Variants in IGF2R observed in about 807,000 individuals in gnomAD.
The protein encoded by IGF2R is insulin like growth factor 2 receptor, also known as cation-independent mannose-6-phosphate receptor.
A neutral mutation model predicts 270.6 loss-of-function variants in IGF2R; 91 were observed. That is an observed-to-expected ratio of 0.34 (90% CI 0.28 to 0.40). The LOEUF is 0.40. IGF2R is among the 10% of genes least tolerant of loss of function. The probability of loss-of-function intolerance (pLI) is 1.00; values close to 1 mark genes in which losing one functional copy is unlikely to be tolerated. For synonymous variants in IGF2R, 1,316 were observed against 1,258.9 expected (o/e 1.05, Z -0.96); for missense variants, 2,805 against 3,188.3 (o/e 0.88, Z 2.90).
rs955038999 is a variant in IGF2R, at chr6:160,084,329, C to A, written c.6068+145C>A. 3.2e-6 allele frequency: 2 copies of A among 623,294 alleles called. No individual in the cohort carries two copies. The highest frequency in any genetic ancestry group is 1.8e-5 in the African/African-American group (1 of 54,474). 38.6% of individuals were successfully genotyped at this position (623,294 alleles called of 1,614,324 possible). ...GATGGTGGTTGAGTTGTGACTGTTC[C>A]TGGAAGCAGCCCGCAGTGTCAATCC... On this transcript the variant is annotated intron_variant, in intron 40 of 47. Transcript: ENST00000356956. The surrounding 1 kb of genome is among the most constrained non-coding windows in gnomAD (Gnocchi z 4.6).
At chr6:160,095,736 T>C (rs1028261693) in intron 44 of IGF2R, 7 of 152,440 alleles carry the variant, frequency 4.6e-5, no homozygotes, top group Non-Finnish European at 8.8e-5. Context: ...ATCAGGCTGT[T>C]GCCATCCTAA....
At chr6:160,018,562 A>G (rs969244201) in intron 4 of IGF2R, among the ~76,000 whole-genome samples, 3 of 152,312 alleles carry the variant, frequency 2.0e-5, no homozygotes, top group Middle Eastern at 6.8e-3. Flanking sequence ...GATGGACTAT[A>G]TGTCATACCA....
intron 31 of IGF2R, among the ~76,000 whole-genome samples, chr6:160,071,198 T>G (rs1778721442): frequency 7.2e-6 from 1 of 139,790 alleles, no homozygotes. Context: ...GGAGGCCCTG[T>G]GCCCCAGACC....
In IGF2R at chr6:160,064,497, C is replaced by T. The variant is rs369916399; in HGVS notation, c.3983C>T (p.Ala1328Val). The T allele has an allele frequency of 1.2e-5, 19 of 1,614,184 alleles. No homozygotes were observed. The African/African-American group carries it at 2.4e-4, about 20-fold the overall frequency. ...CATAAGGTTTATCAGCGCTCCACAG[C>T]CATCTTCTTCTACTGTGACCGCGGC... ...TCHKVYQRST[A>V]IFFYCDRGTQ... The change falls in exon 28 of 48, where the codon GCC (alanine) becomes GTC (valine). Residue 1328 changes from alanine (A) to valine (V), a missense_variant. Transcript: ENST00000356956.
chr6:160,008,995 T>G lies in IGF2R; in HGVS notation c.290-15T>G, dbSNP rs1479947243. 2 of 1,613,410 alleles carry G rather than the reference T, an allele frequency of 1.2e-6. No homozygotes were observed. The highest frequency in any genetic ancestry group is 1.7e-6 in the Non-Finnish European group (2 of 1,179,652). On this transcript the variant is annotated splice_polypyrimidine_tract_variant and intron_variant, in intron 2 of 47. Transcript: ENST00000356956. ...ATGTTTTATAGCCTGTTCACTCTCT[T>G]TTCTCTCCAAATAGGTGACTCTGTT...
In IGF2R at chr6:160,024,721, G is replaced by A; in HGVS notation, c.646+17G>A. 1 of 1,612,664 alleles carries A rather than the reference G, an allele frequency of 6.2e-7. No homozygotes were observed. Among genetic ancestry groups the A allele is most frequent in the African/African-American group, 1.3e-5 (1 of 74,982 alleles). ...GAGACATAGGTATGAATCTTTGTGG[G>A]GCTGAGGGGGTGGTGGTGAGGGATT... On this transcript the variant is annotated intron_variant, in intron 5 of 47. Coordinates refer to ENST00000356956, the MANE Select transcript of IGF2R (RefSeq NM_000876.4).
intron 44 of IGF2R, among the ~76,000 whole-genome samples, chr6:160,091,380 C>T (rs963117138): frequency 2.0e-5 from 3 of 148,862 alleles, no homozygotes; most frequent in East Asian, 2.0e-4. Context: ...CTGAGCGCAT[C>T]GCCGAGAAGG....
intron 2 of IGF2R, among the ~76,000 whole-genome samples, chr6:159,997,483 A>C (rs553740729): frequency 1.4e-4 from 21 of 152,164 alleles, no homozygotes; most frequent in African/African-American, 4.6e-4. Context: ...GAAGTCCCCA[A>C]ATTGCTGCCC....
At chr6:160,079,852 G>A in intron 38 of IGF2R, 65 bp downstream of exon 38, 1 of 1,368,170 alleles carries the variant, frequency 7.3e-7, no homozygotes, top group Non-Finnish European at 9.8e-7. Context: ...AGACATAGCA[G>A]CAGAAAGAAG....
chr6:160,012,176 G>A (rs1784344586), intron 4 of IGF2R, among the ~76,000 whole-genome samples: 1 of 152,044 alleles, frequency 6.6e-6, no homozygotes, highest in South Asian at 2.1e-4. Context: ...AAAGAATTAA[G>A]GCTGATATTT....
chr6:160,040,766 A>C, intron 11 of IGF2R, 42 bp downstream of exon 11: 2 of 1,566,672 alleles, frequency 1.3e-6, no homozygotes, highest in Non-Finnish European at 1.7e-6. Context: ...CCACATGCTC[A>C]TGGAACATTT....
At chr6:160,056,319 C>T (rs1457097571) in intron 19 of IGF2R, 105 bp from the exon 20 acceptor site, 25 of 758,392 alleles carry the variant, frequency 3.3e-5, no homozygotes, top group Non-Finnish European at 5.7e-5. Context: ...TCATAATAAA[C>T]ATCTAGCAGA....
intron 4 of IGF2R, among the ~76,000 whole-genome samples, chr6:160,021,517 A>G (rs1777434629): frequency 6.6e-6 from 1 of 151,568 alleles, no homozygotes; most frequent in Non-Finnish European, 1.5e-5. Flanking sequence ...TGGGTTCAGC[A>G]CACCAACATG....
At chr6:159,997,869 T>G (rs1453134790) in intron 2 of IGF2R, among the ~76,000 whole-genome samples, 2 of 152,194 alleles carry the variant, frequency 1.3e-5, no homozygotes, top group Admixed American at 1.3e-4. Flanking sequence ...TAAAAGAGCT[T>G]TGTAGAAAGC....
At chr6:159,982,061 C>T (rs1004120635) in intron 1 of IGF2R, among the ~76,000 whole-genome samples, 1 of 152,198 alleles carries the variant, frequency 6.6e-6, no homozygotes, top group Admixed American at 6.5e-5. Flanking sequence ...GTCAAACTCA[C>T]GTGCTTCCCC....
intron 2 of IGF2R, among the ~76,000 whole-genome samples, chr6:159,991,936 A>G (rs564889862): frequency 6.6e-4 from 101 of 152,358 alleles, no homozygotes; most frequent in African/African-American, 2.0e-3. Flanking sequence ...GTGGATTAAT[A>G]TATCAGCACC....
rs770284613 is a variant in IGF2R at position 160,032,588 on chromosome 6, G to A, written c.920G>A (p.Arg307His). 1.9e-5 allele frequency: 30 copies of A among 1,613,962 alleles called. No homozygotes were observed. The highest frequency in any genetic ancestry group is 8.9e-5 in the East Asian group (4 of 44,892). The change falls in exon 8 of 48, where the codon CGC becomes CAC. Residue 307 changes from arginine to histidine, a missense_variant. Coordinates refer to ENST00000356956, the MANE Select transcript of IGF2R (RefSeq NM_000876.4). Reference protein sequence around the residue: ...IPKLTAKSNCRYEIEWITEYA... With the variant: ...IPKLTAKSNCHYEIEWITEYA... ...AAACTCACAGCTAAATCCAACTGCCGCTATGAAATTGAGTGGATTACTGAG... is the reference window on the plus strand; with the variant it reads ...AAACTCACAGCTAAATCCAACTGCCACTATGAAATTGAGTGGATTACTGAG...
At chr6:160,047,093 G>C (rs936253350) in intron 15 of IGF2R, 66 bp from the exon 16 acceptor site, 10 of 1,498,320 alleles carry the variant, frequency 6.7e-6, no homozygotes, top group Middle Eastern at 1.7e-4. Context: ...CCTCCCTTCA[G>C]TGTGGCAGCC....
rs2115265348 is a variant in IGF2R at position 160,064,477 on chromosome 6, G to A, written c.3963G>A (p.Lys1321=). 2.5e-6 allele frequency: 4 copies of A among 1,614,148 alleles called. No homozygotes were observed. Among genetic ancestry groups the A allele is most frequent in the Middle Eastern group, 3.3e-4 (2 of 6,062 alleles). Residue 1321 remains lysine (K), a synonymous_variant, in exon 28 of 48, where the codon AAG becomes AAA. Coordinates refer to ENST00000356956, the MANE Select transcript of IGF2R (RefSeq NM_000876.4). ...TCACGGGGGGGGACACTTGCCATAAGGTTTATCAGCGCTCCACAGCCATCT... is the reference window on the plus strand; with the variant it reads ...TCACGGGGGGGGACACTTGCCATAAAGTTTATCAGCGCTCCACAGCCATCT... ...MNFTGGDTCH[K]VYQRSTAIFF... is the part of the protein sequence containing the mutation.
Sources: gnomAD v4.1 joint callset for allele counts (sites outside exome capture counted in the v4.1 genomes callset) on GRCh38, gnomAD v4.1.1 for gene constraint, Gnocchi (gnomAD v3.1) non-coding constraint, MANE v1.5 for transcripts, NCBI Gene and HGNC (gene_info 2026-07-23, HGNC 2026-07-21) for gene names.